Variants in KHDRBS2 observed in about 807,000 individuals in gnomAD.
KHDRBS2 encodes the protein KH domain-containing, RNA-binding, signal transduction-associated protein 2.
Under a neutral mutation model 44.3 loss-of-function variants are expected in KHDRBS2, and 26 were observed. The observed-to-expected ratio is 0.59, with a 90% CI of 0.43 to 0.81. The LOEUF (loss-of-function observed/expected upper bound fraction) is 0.81. Ranked by LOEUF, KHDRBS2 falls within the 40% of genes least tolerant of loss-of-function variation. The pLI, the probability that KHDRBS2 is intolerant of heterozygous loss-of-function variation, is 0.00. For synonymous variants in KHDRBS2, 194 were observed against 151.1 expected (o/e 1.28, Z -2.08); for missense variants, 476 against 433.1 (o/e 1.10, Z -0.88).
intron 1 of KHDRBS2, among the ~76,000 whole-genome samples, chr6:62,237,537 T>C (rs1397180256): frequency 2.0e-5 from 3 of 152,082 alleles, no homozygotes; most frequent in Non-Finnish European, 4.4e-5. Flanking sequence ...ACATGATGGG[T>C]GAAAGAGAAT....
chr6:61,849,009 A>AACAGCTACCCAAAGTTTT (rs1795057028), intron 6 of KHDRBS2, among the ~76,000 whole-genome samples: 1 of 152,046 alleles, frequency 6.6e-6, no homozygotes, highest in Non-Finnish European at 1.5e-5. Flanking sequence ...CACACAGGGC[A>AACAGCTACCCAAAGTTTT]ACAGCTACCC....
At chr6:61,737,720 C>T (rs779791769) in intron 6 of KHDRBS2, among the ~76,000 whole-genome samples, 8 of 151,990 alleles carry the variant, frequency 5.3e-5, no homozygotes, top group Admixed American at 2.6e-4. Flanking sequence ...GCATGGACTC[C>T]GGCTTTATTC....
At chr6:61,781,585 T>G (rs1272125799) in intron 6 of KHDRBS2, among the ~76,000 whole-genome samples, 2 of 152,192 alleles carry the variant, frequency 1.3e-5, no homozygotes, top group Non-Finnish European at 2.9e-5. Context: ...TTTCTCCCTG[T>G]TTATTTCATT....
chr6:61,796,810 C>T (rs1005925795), intron 6 of KHDRBS2, among the ~76,000 whole-genome samples: 1 of 152,012 alleles, frequency 6.6e-6, no homozygotes, highest in African/African-American at 2.4e-5. Context: ...ATGTTGTATG[C>T]CACAGCAATG....
intron 2 of KHDRBS2, among the ~76,000 whole-genome samples, chr6:62,104,303 T>A (rs185630892): frequency 0.075 from 11,383 of 152,152 alleles, 452 homozygotes; most frequent in African/African-American, 0.085. Context: ...CTTTTTTTTT[T>A]AATTATACTT....
At chr6:61,836,248 T>C (rs1297884636) in intron 6 of KHDRBS2, among the ~76,000 whole-genome samples, 1 of 152,056 alleles carries the variant, frequency 6.6e-6, no homozygotes, top group Admixed American at 6.6e-5. Context: ...ACAAAATGGC[T>C]ATTCAAACTA....
intron 6 of KHDRBS2, among the ~76,000 whole-genome samples, chr6:61,787,869 T>G (rs1784046864): frequency 2.0e-5 from 3 of 151,594 alleles, no homozygotes; most frequent in Admixed American, 6.6e-5. Flanking sequence ...TCAGCTCAGC[T>G]CAGGAAACTT....
chr6:61,805,271 C>G (rs77910438), intron 6 of KHDRBS2, among the ~76,000 whole-genome samples: 1 of 152,084 alleles, frequency 6.6e-6, no homozygotes, highest in Non-Finnish European at 1.5e-5. Context: ...GCTAGAATCA[C>G]GTTTATTCCA....
chr6:61,771,900 C>A (rs1445761453), intron 6 of KHDRBS2, among the ~76,000 whole-genome samples: 2 of 152,156 alleles, frequency 1.3e-5, no homozygotes, highest in African/African-American at 2.4e-5. Flanking sequence ...TTCAGCACCA[C>A]ACCACACCTA....
At chr6:61,811,924 T>C (rs1788189169) in intron 6 of KHDRBS2, among the ~76,000 whole-genome samples, 1 of 152,104 alleles carries the variant, frequency 6.6e-6, no homozygotes. Flanking sequence ...TCAAAAGTTG[T>C]CTAGTTTCTA....
At chr6:62,248,781 T>C (rs1249081714) in intron 1 of KHDRBS2, among the ~76,000 whole-genome samples, 1 of 152,106 alleles carries the variant, frequency 6.6e-6, no homozygotes, top group Non-Finnish European at 1.5e-5. Context: ...AAAAGGTATA[T>C]TACAAAATAA....
intron 8 of KHDRBS2, among the ~76,000 whole-genome samples, chr6:61,682,749 T>C (rs984498385): frequency 6.6e-6 from 1 of 151,850 alleles, no homozygotes; most frequent in Non-Finnish European, 1.5e-5. Context: ...ATGTAATCTT[T>C]TGAGGGCAGG....
chr6:61,782,610 A>G (rs547490065), intron 6 of KHDRBS2, among the ~76,000 whole-genome samples: 37 of 150,134 alleles, frequency 2.5e-4, no homozygotes, highest in Non-Finnish European at 4.4e-4. Context: ...TTCAGCTATT[A>G]TTGCATAGCA....
At chr6:61,712,222 T>A (rs1770623247) in intron 7 of KHDRBS2, among the ~76,000 whole-genome samples, 1 of 151,806 alleles carries the variant, frequency 6.6e-6, no homozygotes, top group Admixed American at 6.6e-5. Context: ...CAGAAAAACA[T>A]ACTCTGCCAC....
chr6:62,245,116 G>T (rs1835327833), intron 1 of KHDRBS2, among the ~76,000 whole-genome samples: 1 of 152,084 alleles, frequency 6.6e-6, no homozygotes, highest in African/African-American at 2.4e-5. Context: ...ACTCATTACT[G>T]AATACTTGAA....
At chr6:62,146,771 C>T (rs1814030974) in intron 2 of KHDRBS2, among the ~76,000 whole-genome samples, 1 of 70,482 alleles carries the variant, frequency 1.4e-5, no homozygotes, top group South Asian at 7.1e-4. Flanking sequence ...TCCTCTCCAA[C>T]CCCAATTCAA....
At chr6:61,702,328 T>C (rs1768818752) in intron 7 of KHDRBS2, among the ~76,000 whole-genome samples, 1 of 151,964 alleles carries the variant, frequency 6.6e-6, no homozygotes, top group South Asian at 2.1e-4. Context: ...TTTGGACTCA[T>C]GTTAATGATG....
At chr6:61,602,352 C>T in the KHDRBS2 span, among the ~76,000 whole-genome samples, 1,282 of 152,222 alleles carry the variant, frequency 8.4e-3, 16 homozygotes, top group African/African-American at 0.029. Context: ...CCTCCAGGAC[C>T]GCCTACCCCA....
intron 2 of KHDRBS2, among the ~76,000 whole-genome samples, chr6:62,122,134 G>C (rs533626790): frequency 6.6e-6 from 1 of 152,292 alleles, no homozygotes; most frequent in East Asian, 1.9e-4. Flanking sequence ...TGTGCAAGCT[G>C]CTCTGCCACT....
Sources: allele counts gnomAD v4.1 joint callset (sites outside exome capture counted in the v4.1 genomes callset), GRCh38; gene constraint gnomAD v4.1.1; transcripts MANE v1.5; gene names NCBI Gene and HGNC (gene_info 2026-07-23, HGNC 2026-07-21).